IDO2: variants seen among roughly 807,000 people sequenced by gnomAD.
The protein encoded by IDO2 is indoleamine 2,3-dioxygenase 2.
IDO2 carries 46 observed loss-of-function variants against 45.1 expected under a neutral mutation model. That is an observed-to-expected ratio of 1.02 (90% CI 0.80 to 1.30). The LOEUF (loss-of-function observed/expected upper bound fraction) is 1.30, where lower values mean the gene tolerates loss of function less well. Ranked by LOEUF, IDO2 falls within the 50% of genes most tolerant of loss-of-function variation. IDO2 has a pLI of 0.00. For missense variants in IDO2, 544 were observed against 491.8 expected (o/e 1.11, Z -1.00); for synonymous variants, 218 against 184.9 (o/e 1.18, Z -1.45).
At chr8:39,968,827 T>C (rs1189502037) in intron 3 of IDO2, among the ~76,000 whole-genome samples, 2 of 151,284 alleles carry the variant, frequency 1.3e-5, no homozygotes, top group Admixed American at 6.6e-5. Context: ...TGTATACATA[T>C]GTAACAAACC....
At position 40,011,188 on chromosome 8, in the gene IDO2, G is replaced by A. The variant is rs188733537; in HGVS notation, c.720-2377G>A. 2.6e-5 allele frequency among the ~76,000 whole-genome samples: 4 copies of A among 152,342 alleles called. No individual in the cohort carries two copies. The East Asian group carries it at 7.7e-4, about 29-fold the overall frequency. Reference sequence around the variant, plus strand: ...GGCCTCCCAAAGTGCTGGGATTACAGGCATGAGCCACCCCATCCAGCTGGG... The same window carrying A: ...GGCCTCCCAAAGTGCTGGGATTACAAGCATGAGCCACCCCATCCAGCTGGG... On this transcript the variant is annotated intron_variant, in intron 9 of 10. Coordinates refer to ENST00000502986, the Ensembl canonical transcript of IDO2.
chr8:39,968,454 T>C (rs1186005044), intron 3 of IDO2, among the ~76,000 whole-genome samples: 1 of 152,194 alleles, frequency 6.6e-6, no homozygotes, highest in East Asian at 1.9e-4. Context: ...TATATGGCTC[T>C]AGGCACTGAA....
At chr8:39,979,352 TTA>T (rs1278778914) in intron 4 of IDO2, among the ~76,000 whole-genome samples, 166 bp downstream of exon 4, 1 of 145,222 alleles carries the variant, frequency 6.9e-6, no homozygotes, top group Non-Finnish European at 1.6e-5. Context: ...TTATTTATTA[TTA>T]TTATTTTTTT....
chr8:39,945,464 C>A (rs374157182), intron 1 of IDO2, among the ~76,000 whole-genome samples: 19 of 152,272 alleles, frequency 1.2e-4, no homozygotes, highest in African/African-American at 4.6e-4. Flanking sequence ...TCCGTAGGGG[C>A]CAGAACCACT....
At chr8:39,935,424 G>GGTT (rs72187471) in intron 1 of IDO2, among the ~76,000 whole-genome samples, 7,357 of 149,952 alleles carry the variant, frequency 0.049, 424 homozygotes, top group African/African-American at 0.14. Flanking sequence ...TTACTTTTCT[G>GGTT]GTTGTTGTTG....
intron 1 of IDO2, among the ~76,000 whole-genome samples, chr8:39,948,423 C>T (rs1807769861): frequency 6.6e-6 from 1 of 152,108 alleles, no homozygotes; most frequent in East Asian, 1.9e-4. Flanking sequence ...ATGGCACTTC[C>T]AAGTACATGA....
intron 8 of IDO2, among the ~76,000 whole-genome samples, chr8:40,000,610 A>G (rs1324561472): frequency 6.6e-6 from 1 of 151,112 alleles, no homozygotes; most frequent in Non-Finnish European, 1.5e-5. Flanking sequence ...GTACAAATAG[A>G]CTACAATTTA....
chr8:40,002,439 C>A (rs548350441), intron 8 of IDO2, among the ~76,000 whole-genome samples: 2 of 152,282 alleles, frequency 1.3e-5, no homozygotes, highest in Non-Finnish European at 2.9e-5. Context: ...ATCGCTTGTG[C>A]TATCCTGGAC....
At chr8:39,992,011 G>A (rs16888491) in intron 8 of IDO2, among the ~76,000 whole-genome samples, 26,390 of 152,210 alleles carry the variant, frequency 0.17, 2,680 homozygotes, top group East Asian at 0.34. Flanking sequence ...ACATAATTTC[G>A]TTTCAGTGTT....
At chr8:39,957,034 C>T (rs1807914184) in intron 2 of IDO2, among the ~76,000 whole-genome samples, 1 of 102,964 alleles carries the variant, frequency 9.7e-6, no homozygotes, top group Non-Finnish European at 1.8e-5. Flanking sequence ...CAGAGTGAGA[C>T]TCCATCTCAA....
intron 8 of IDO2, among the ~76,000 whole-genome samples, chr8:40,003,106 G>A (rs141270166): frequency 6.6e-6 from 1 of 151,932 alleles, no homozygotes; most frequent in South Asian, 2.1e-4. Context: ...CATGAACATG[G>A]TATAAGAGAG....
intron 8 of IDO2, among the ~76,000 whole-genome samples, chr8:39,999,627 C>T (rs1477370546): frequency 6.6e-6 from 1 of 151,806 alleles, no homozygotes; most frequent in African/African-American, 2.4e-5. Context: ...ACATGCACAA[C>T]TAATTTTTGT....
chr8:39,946,264 C>T (rs1257398904), intron 1 of IDO2, among the ~76,000 whole-genome samples: 1 of 152,166 alleles, frequency 6.6e-6, no homozygotes. Context: ...TCATCTCTGA[C>T]CCGTCAGCAC....
intron 8 of IDO2, among the ~76,000 whole-genome samples, chr8:40,000,882 AATTC>A (rs765203754): frequency 6.6e-6 from 1 of 152,254 alleles, no homozygotes; most frequent in African/African-American, 2.4e-5. Flanking sequence ...TTCATTCATT[AATTC>A]ATTCATTCAG....
intron 3 of IDO2, among the ~76,000 whole-genome samples, chr8:39,966,173 C>T (rs1171523498): frequency 6.6e-6 from 1 of 151,800 alleles, no homozygotes; most frequent in Non-Finnish European, 1.5e-5. Context: ...GGACTACAGG[C>T]ACCCGCCACC....
chr8:39,956,744 T>C (rs1807907915), intron 2 of IDO2, among the ~76,000 whole-genome samples: 1 of 148,594 alleles, frequency 6.7e-6, no homozygotes. Flanking sequence ...ACTTTTTAAA[T>C]CTAAGCCTCA....
intron 3 of IDO2, among the ~76,000 whole-genome samples, chr8:39,966,483 G>C (rs933803702): frequency 6.6e-6 from 1 of 152,166 alleles, no homozygotes; most frequent in Non-Finnish European, 1.5e-5. Context: ...CCTGTGAGAG[G>C]CAAATGTAAT....
intron 8 of IDO2, chr8:39,995,367 G>C (rs951633842): frequency 1.4e-5 from 2 of 147,414 alleles, no homozygotes; most frequent in Non-Finnish European, 3.0e-5. Context: ...TGCAACCTCT[G>C]CCTCCCAGGT....
chr8:40,015,615 T>A, exon 11 of IDO2: 1 of 1,582,470 alleles, frequency 6.3e-7, no homozygotes, highest in Non-Finnish European at 8.6e-7. Context: ...GGCTGCCCTC[T>A]CCCCAGCAAT....
Sources: allele counts gnomAD v4.1 joint callset (sites outside exome capture counted in the v4.1 genomes callset), GRCh38; gene constraint gnomAD v4.1.1; transcripts MANE v1.5; gene names NCBI Gene and HGNC (gene_info 2026-07-23, HGNC 2026-07-21).